Variants in SUSD5 observed in about 807,000 individuals in gnomAD.
SUSD5 encodes sushi domain containing 5.
A neutral mutation model predicts 29.5 loss-of-function variants in SUSD5; 33 were observed. The observed-to-expected ratio is 1.12, with a 90% CI of 0.85 to 1.49. The LOEUF (loss-of-function observed/expected upper bound fraction) is 1.49, where lower values mean the gene tolerates loss of function less well. Ranked by LOEUF, SUSD5 falls within the 40% of genes most tolerant of loss-of-function variation. The pLI is 0.00. For synonymous variants in SUSD5, 308 were observed against 325.3 expected (o/e 0.95, Z 0.57); for missense variants, 776 against 800.6 (o/e 0.97, Z 0.37).
At chr3:33,164,969 AACACAC>A (rs34551240) in intron 4 of SUSD5, among the ~76,000 whole-genome samples, 13,623 of 147,012 alleles carry the variant, frequency 0.093, 1,445 homozygotes, top group African/African-American at 0.24. Context: ...ACTAAAGTTG[AACACAC>A]ACACACACAC....
intron 3 of SUSD5, among the ~76,000 whole-genome samples, chr3:33,202,994 A>G (rs375370557): frequency 1.3e-5 from 2 of 152,294 alleles, no homozygotes; most frequent in African/African-American, 4.8e-5. Flanking sequence ...ACCATGCAGC[A>G]TCACTGGGAA....
At chr3:33,187,903 G>T (rs965504563) in intron 3 of SUSD5, among the ~76,000 whole-genome samples, 1 of 148,578 alleles carries the variant, frequency 6.7e-6, no homozygotes, top group Non-Finnish European at 1.5e-5. Context: ...AACATGCAGT[G>T]TTTGGTTTTT....
At chr3:33,175,152 A>T in intron 3 of SUSD5, 78 bp from the exon 4 acceptor site, 2 of 1,479,546 alleles carry the variant, frequency 1.4e-6, no homozygotes, top group Non-Finnish European at 1.8e-6. Flanking sequence ...GACTTAAAAC[A>T]CAACTCTCCC....
In SUSD5 at chr3:33,153,059, T is replaced by C. The variant is rs374783367; in HGVS notation, c.1573A>G (p.Thr525Ala). ...AAGCTATCCTGGATCTCAGGAACAG[T>C]GGTTTCTACTGGAGGCTGGGTGGTT... ...MATTQPPVET[T>A]VPEIQDSFPY... The change falls in exon 5 of 5, where the codon ACT becomes GCT. Residue 525 changes from threonine to alanine, a missense_variant. Transcript: ENST00000309558. 1.6e-4 allele frequency: 258 copies of C among 1,613,584 alleles called. No individual in the cohort carries two copies. Among genetic ancestry groups the C allele is most frequent in the Non-Finnish European group, 2.1e-4 (244 of 1,179,788 alleles).
At chr3:33,178,967 A>G (rs913541816) in intron 3 of SUSD5, among the ~76,000 whole-genome samples, 1 of 152,126 alleles carries the variant, frequency 6.6e-6, no homozygotes, top group African/African-American at 2.4e-5. Context: ...CCACTAGTGA[A>G]CCCTCTGGGC....
intron 2 of SUSD5, among the ~76,000 whole-genome samples, chr3:33,212,225 T>C (rs746319801): frequency 2.0e-5 from 3 of 152,146 alleles, no homozygotes; most frequent in Non-Finnish European, 4.4e-5. Context: ...CAATTATTAT[T>C]TGTCAATTTA....
Position 33,213,985 on chromosome 3 carries a change from A to G in SUSD5, c.233T>C (p.Val78Ala). ...GCACACCGCAAAGGAGCAATCCTGT[A>G]CCACTCTCCGCAGCTCGTCTGCAGA... ...LASADELRRVVQDCSFAVCTT... is the reference protein window; with the variant it reads ...LASADELRRVAQDCSFAVCTT... The change falls in exon 2 of 5, where the codon GTA (valine) becomes GCA (alanine). Residue 78 changes from valine (V) to alanine (A), a missense_variant. Physicochemically the swap from Val to Ala is moderately conservative, Grantham distance 64. Coordinates refer to ENST00000309558, the MANE Select transcript of SUSD5 (RefSeq NM_015551.2). The G allele has an allele frequency of 1.2e-6, 2 of 1,613,784 alleles. No individual in the cohort carries two copies. The highest frequency in any genetic ancestry group is 1.7e-6 in the Non-Finnish European group (2 of 1,179,790).
chr3:33,183,666 C>T (rs12637403), intron 3 of SUSD5, among the ~76,000 whole-genome samples: 37,561 of 151,926 alleles, frequency 0.25, 5,114 homozygotes, highest in East Asian at 0.43. Flanking sequence ...GTTTTTACTT[C>T]ACCTTCACTT....
At chr3:33,156,293 C>A (rs990226746) in intron 4 of SUSD5, among the ~76,000 whole-genome samples, 13 of 152,150 alleles carry the variant, frequency 8.5e-5, no homozygotes, top group African/African-American at 3.1e-4. Context: ...CCCATCTCGG[C>A]CTCCCAAAGT....
rs145668182 is a variant in SUSD5, at chr3:33,199,037, T to C, written c.409+8771A>G. Among the ~76,000 whole-genome samples the C allele has an allele frequency of 4.3e-4, 65 of 152,128 alleles. No individual in the cohort carries two copies. In the Middle Eastern group the frequency reaches 0.02, roughly 48 times the overall value. On this transcript the variant is annotated intron_variant, in intron 3 of 4. Transcript: ENST00000309558. Reference sequence around the variant, plus strand: ...ATAAAAGATAGGCTGAGAAAAGACATATAGAAGGGAGATATTTTAAAGCTA... The same window carrying C: ...ATAAAAGATAGGCTGAGAAAAGACACATAGAAGGGAGATATTTTAAAGCTA...
intron 3 of SUSD5, among the ~76,000 whole-genome samples, chr3:33,199,214 T>TCACACACACACA (rs35522769): frequency 4.3e-4 from 63 of 147,990 alleles, no homozygotes; most frequent in African/African-American, 1.5e-3. Flanking sequence ...GGGGAGAATT[T>TCACACACACACA]CACACACACA....
chr3:33,153,750 G>C lies in SUSD5; in HGVS notation c.882C>G (p.Phe294Leu). The change falls in exon 5 of 5, where the codon TTC becomes TTG. Residue 294 changes from phenylalanine to leucine, a missense_variant. By Grantham distance (22) the Phe-to-Leu change is conservative. Coordinates refer to ENST00000309558, the MANE Select transcript of SUSD5 (RefSeq NM_015551.2). ...PGSRLLQKHL[F>L]WFPAEAFHKP... ...TGTGGAAAGCCTCAGCAGGAAACCA[G>C]AACAAGTGCTTCTGGAGCAGCCGTG... 1 of 1,614,064 alleles carries C rather than the reference G, an allele frequency of 6.2e-7. No individual in the cohort carries two copies. Among genetic ancestry groups the C allele is most frequent in the Non-Finnish European group, 8.5e-7 (1 of 1,179,910 alleles).
chr3:33,216,990 C>G (rs1405851525), intron 1 of SUSD5, among the ~76,000 whole-genome samples: 1 of 152,146 alleles, frequency 6.6e-6, no homozygotes, highest in African/African-American at 2.4e-5. Flanking sequence ...TTCTGGCAAG[C>G]AGTAACAAAG....
chr3:33,197,036 T>A (rs969477244), intron 3 of SUSD5, among the ~76,000 whole-genome samples: 7 of 152,188 alleles, frequency 4.6e-5, no homozygotes. Context: ...GAACACAGGG[T>A]ACTACAGCAG....
chr3:33,207,747 C>T (rs2032248092), intron 3 of SUSD5, 61 bp downstream of exon 3: 1 of 1,131,002 alleles, frequency 8.8e-7, no homozygotes, highest in Non-Finnish European at 1.3e-6. Context: ...AGAAACCAAC[C>T]TCATATAGCA....
chr3:33,171,782 C>G (rs1486735243), intron 4 of SUSD5, among the ~76,000 whole-genome samples: 1 of 152,196 alleles, frequency 6.6e-6, no homozygotes, highest in Non-Finnish European at 1.5e-5. Flanking sequence ...TACATGTTAG[C>G]TTTCATTTAC....
intron 3 of SUSD5, among the ~76,000 whole-genome samples, chr3:33,198,199 A>G (rs942602015): frequency 2.0e-5 from 3 of 152,150 alleles, no homozygotes; most frequent in Non-Finnish European, 2.9e-5. Context: ...ATACTTATTG[A>G]GGTGTTACTC....
rs373023861 is a variant in SUSD5 at position 33,157,272 on chromosome 3, T to C, written c.599-3239A>G. On this transcript the variant is annotated intron_variant, in intron 4 of 4. Transcript: ENST00000309558. Reference sequence around the variant, plus strand: ...CAGAATCTCATGGTCTTGCATCCTATAGGGTTGAACTTCAAAGATTTTGTG... The same window carrying C: ...CAGAATCTCATGGTCTTGCATCCTACAGGGTTGAACTTCAAAGATTTTGTG... 1.6e-4 allele frequency among the ~76,000 whole-genome samples: 24 copies of C among 152,326 alleles called. No individual in the cohort carries two copies. The South Asian group carries it at 3.3e-3, about 21-fold the overall frequency.
chr3:33,180,952 T>C (rs117877014), intron 3 of SUSD5, among the ~76,000 whole-genome samples: 2,048 of 150,912 alleles, frequency 0.014, 38 homozygotes, highest in East Asian at 0.083. Flanking sequence ...TCCAAAGTGC[T>C]GGGGTTGCAG....
Sources: gnomAD v4.1 joint callset for allele counts (sites outside exome capture counted in the v4.1 genomes callset) on GRCh38, gnomAD v4.1.1 for gene constraint, MANE v1.5 for transcripts, NCBI Gene and HGNC (gene_info 2026-07-23, HGNC 2026-07-21) for gene names.